ATXN8OS: variants seen among roughly 807,000 people sequenced by gnomAD.
The protein encoded by ATXN8OS is ATXN8 opposite strand lncRNA, also known as ATXN8 opposite strand (non-protein coding).
At chr13:70,162,448 T>G (rs9572386) in intron 4 of ATXN8OS, among the ~76,000 whole-genome samples, 17,493 of 151,950 alleles carry the variant, frequency 0.12, 1,605 homozygotes, top group East Asian at 0.4. Flanking sequence ...ACTTGCTCTT[T>G]TTCTTCAATA....
At chr13:70,111,538 C>A (rs1372416404) in intron 1 of ATXN8OS, among the ~76,000 whole-genome samples, 1 of 152,094 alleles carries the variant, frequency 6.6e-6, no homozygotes, top group Non-Finnish European at 1.5e-5. Flanking sequence ...TACATTAATT[C>A]TTGAGGTTCT....
chr13:70,147,999 G>T (rs1467496311), intron 4 of ATXN8OS, among the ~76,000 whole-genome samples: 1 of 152,146 alleles, frequency 6.6e-6, no homozygotes, highest in Non-Finnish European at 1.5e-5. Flanking sequence ...ATTGGCAGTT[G>T]GTTGAAGGAG....
intron 2 of ATXN8OS, among the ~76,000 whole-genome samples, chr13:70,117,259 C>T (rs1888293406): frequency 6.6e-6 from 1 of 151,936 alleles, no homozygotes; most frequent in Non-Finnish European, 1.5e-5. Context: ...CAAAAGTAAC[C>T]ATTTTAGGTG....
rs913406800 is a variant in ATXN8OS at position 70,146,940 on chromosome 13, CATAAT to C, written n.500-411_500-407del. Among the ~76,000 whole-genome samples the C allele has an allele frequency of 1.2e-3, 188 of 152,118 alleles. 1 individual carries two copies. Among genetic ancestry groups the C allele is most frequent in the East Asian group, 7.0e-3 (36 of 5,164 alleles). ...AATAATGAAATTTTAAAAAAAGTGT[CATAAT>C]ATATCTTGATGTTAGTAAGACATGT... On this transcript the variant is annotated intron_variant and non_coding_transcript_variant, in intron 3 of 4. Coordinates refer to ENST00000678624, the Ensembl canonical transcript of ATXN8OS.
chr13:70,158,041 A>G (rs113199044), intron 4 of ATXN8OS, among the ~76,000 whole-genome samples: 1 of 152,206 alleles, frequency 6.6e-6, no homozygotes, highest in East Asian at 1.9e-4. Context: ...GTTAATCTGT[A>G]TAATACCAGA....
chr13:70,142,499 T>C (rs1239293234), intron 3 of ATXN8OS, among the ~76,000 whole-genome samples: 3 of 152,210 alleles, frequency 2.0e-5, no homozygotes, highest in African/African-American at 7.2e-5. Flanking sequence ...GTTTTAGCAA[T>C]TGTGTAGTAT....
chr13:70,137,208 T>G (rs1433894888), intron 3 of ATXN8OS, among the ~76,000 whole-genome samples: 1 of 152,316 alleles, frequency 6.6e-6, no homozygotes, highest in South Asian at 2.1e-4. Flanking sequence ...TGTCAAACAA[T>G]TTTAAAATTC....
chr13:70,158,309 T>G (rs1888962224), intron 4 of ATXN8OS, among the ~76,000 whole-genome samples: 2 of 152,116 alleles, frequency 1.3e-5, no homozygotes, highest in Admixed American at 6.6e-5. Flanking sequence ...TCTCAGCTAC[T>G]TGGGAGGCTG....
At position 70,112,909 on chromosome 13, in the gene ATXN8OS, T is replaced by TTACATATA. The variant is rs1555298493; in HGVS notation, n.241-2230_241-2229insCATATATA. ...TGGTTAATCACACTGCTGAGGGACT[T>TTACATATA]TATATATATAATTTTTTTTTTTTTT... is the stretch of plus-strand genomic sequence containing the variant. On this transcript the variant is annotated intron_variant and non_coding_transcript_variant, in intron 1 of 4. Transcript: ENST00000678624. 6.1e-3 allele frequency among the ~76,000 whole-genome samples: 348 copies of TTACATATA among 57,454 alleles called. 1 individual carries two copies. The highest frequency in any genetic ancestry group is 9.1e-3 in the Non-Finnish European group (244 of 26,674). 37.7% of individuals were successfully genotyped at this position (57,454 alleles called of 152,430 possible). A position where few individuals can be genotyped will look rare whatever the true frequency, so the allele number is the denominator to read the frequency against.
intron 2 of ATXN8OS, among the ~76,000 whole-genome samples, chr13:70,119,943 T>G (rs1452450157): frequency 6.6e-6 from 1 of 152,072 alleles, no homozygotes; most frequent in Non-Finnish European, 1.5e-5. Context: ...CTGAAAACAT[T>G]TATGGTCCCA....
At position 70,159,214 on chromosome 13, in the gene ATXN8OS, A is replaced by G. The variant is rs1196470500; in HGVS notation, n.574-10539A>G. On this transcript the variant is annotated intron_variant and non_coding_transcript_variant, in intron 4 of 4. Coordinates refer to ENST00000678624, the Ensembl canonical transcript of ATXN8OS. ...CTCTCTCTCTCACTTTTTATTACACATATAGAAGAATTAAATTATATTCAT... is the reference window on the plus strand; with the variant it reads ...CTCTCTCTCTCACTTTTTATTACACGTATAGAAGAATTAAATTATATTCAT... 5.3e-5 allele frequency among the ~76,000 whole-genome samples: 8 copies of G among 152,016 alleles called. No homozygotes were observed. The East Asian group carries it at 1.6e-3, about 29-fold the overall frequency.
At chr13:70,131,692 C>T in intron 3 of ATXN8OS, 1 of 394,368 alleles carries the variant, frequency 2.5e-6, no homozygotes, top group East Asian at 3.6e-5. Flanking sequence ...AGATCATTTT[C>T]CCTTGCTGTA....
chr13:70,160,868 T>A (rs7329318), intron 4 of ATXN8OS, among the ~76,000 whole-genome samples: 120,511 of 141,642 alleles, frequency 0.85, 51,551 homozygotes, highest in South Asian at 0.93. Flanking sequence ...GTCTCTTTAT[T>A]CAAAATATAC....
Position 70,151,704 on chromosome 13 carries a change from C to T in ATXN8OS, n.573+4276C>T, listed in dbSNP as rs116119783. On this transcript the variant is annotated intron_variant and non_coding_transcript_variant, in intron 4 of 4. Transcript: ENST00000678624. ...ACATATACTTTAGTTAATTGGAAGT[C>T]ACTGAATAGGAGGGAGCGATGATTA... is the stretch of plus-strand genomic sequence containing the variant. Among the ~76,000 whole-genome samples the T allele has an allele frequency of 6.3e-3, 952 of 152,090 alleles. 8 individuals carry two copies. The highest frequency in any genetic ancestry group is 0.02 in the African/African-American group (834 of 41,502).
chr13:70,120,549 A>G (rs1479554683), intron 2 of ATXN8OS, among the ~76,000 whole-genome samples: 1 of 152,182 alleles, frequency 6.6e-6, no homozygotes, highest in African/African-American at 2.4e-5. Context: ...ACCATGCACT[A>G]TAAAGCAAGC....
rs1888777302 is a variant in ATXN8OS, at chr13:70,145,842, A to G, written n.500-1513A>G. ...AAACGTTGGCAATACCATTCAGGAC[A>G]TAGGCATGGGCAAGGACTTCATGTC... is the stretch of plus-strand genomic sequence containing the variant. On this transcript the variant is annotated intron_variant and non_coding_transcript_variant, in intron 3 of 4. Transcript: ENST00000678624. 2.0e-5 allele frequency among the ~76,000 whole-genome samples: 3 copies of G among 151,780 alleles called. No individual in the cohort carries two copies. The South Asian group carries it at 6.3e-4, about 32-fold the overall frequency.
At chr13:70,152,122 T>A (rs1888875628) in intron 4 of ATXN8OS, among the ~76,000 whole-genome samples, 1 of 152,118 alleles carries the variant, frequency 6.6e-6, no homozygotes, top group African/African-American at 2.4e-5. Flanking sequence ...ATAACTTCTC[T>A]AAAGCTCTTA....
At chr13:70,144,206 T>A (rs1016656622) in intron 3 of ATXN8OS, among the ~76,000 whole-genome samples, 2 of 152,152 alleles carry the variant, frequency 1.3e-5, no homozygotes, top group African/African-American at 4.8e-5. Context: ...AAATGGCTTA[T>A]CACATATGCA....
chr13:70,141,171 T>C (rs577169080), intron 3 of ATXN8OS, among the ~76,000 whole-genome samples: 1 of 152,294 alleles, frequency 6.6e-6, no homozygotes, highest in South Asian at 2.1e-4. Context: ...AAAAAGTTGA[T>C]CCTTCCTCAA....
Sources: allele counts gnomAD v4.1 joint callset (sites outside exome capture counted in the v4.1 genomes callset), GRCh38; gene constraint gnomAD v4.1.1; transcripts MANE v1.5; gene names NCBI Gene and HGNC (gene_info 2026-07-23, HGNC 2026-07-21).